The following MACF1 variants were observed in gnomAD, a reference collection of about 807,000 sequenced individuals.
The protein encoded by MACF1 is microtubule-actin cross-linking factor 1.
Under a neutral mutation model 854.8 loss-of-function variants are expected in MACF1, and 193 were observed. The ratio of observed to expected loss-of-function variants is 0.23; its 90% CI spans 0.20 to 0.25. The LOEUF (loss-of-function observed/expected upper bound fraction) is 0.25. MACF1 is among the 10% of genes least tolerant of loss of function. MACF1 has a pLI of 1.00. For missense variants in MACF1, 7,722 were observed against 8,929.1 expected, an observed-to-expected ratio of 0.86 and a Z score of 5.45; for synonymous variants, 3,185 against 3,226.7, an observed-to-expected ratio of 0.99 and a Z score of 0.44.
At chr1:39,397,244 T>C (rs1013042187) in intron 58 of MACF1, among the ~76,000 whole-genome samples, 1 of 152,060 alleles carries the variant, frequency 6.6e-6, no homozygotes, top group South Asian at 2.1e-4. Flanking sequence ...CTCGAAACTA[T>C]TGTAAGTCAG....
chr1:39,276,884 G>A (rs1052672274), intron 6 of MACF1, among the ~76,000 whole-genome samples: 2 of 151,888 alleles, frequency 1.3e-5, no homozygotes, highest in Admixed American at 1.3e-4. Context: ...CATGAAAAAG[G>A]GTGAATAAAT....
chr1:39,187,909 C>CT (rs1644197262), intron 2 of MACF1, among the ~76,000 whole-genome samples: 1 of 15,504 alleles, frequency 6.4e-5, no homozygotes, highest in African/African-American at 1.2e-4. Context: ...TCTCCTCTCT[C>CT]CTTCCTTCCT....
intron 69 of MACF1, among the ~76,000 whole-genome samples, chr1:39,435,115 G>A (rs1186548987): frequency 6.6e-6 from 1 of 152,256 alleles, no homozygotes; most frequent in African/African-American, 2.4e-5. Flanking sequence ...GACGTAGTCA[G>A]CAGTAAAGTC....
intron 2 of MACF1, among the ~76,000 whole-genome samples, chr1:39,119,447 TTGTG>T (rs752459990): frequency 6.6e-5 from 10 of 152,020 alleles, no homozygotes; most frequent in Non-Finnish European, 1.3e-4. Flanking sequence ...TTGTTACTTT[TTGTG>T]TGTATTTGTT....
At chr1:39,357,961 TC>T (rs946279450) in intron 45 of MACF1, 68 bp downstream of exon 45, 13 of 1,482,234 alleles carry the variant, frequency 8.8e-6, no homozygotes, top group African/African-American at 1.4e-5. Context: ...GTAGGTAGTG[TC>T]TGGGGCTCAG....
At position 39,357,310 on chromosome 1, in the gene MACF1, A is replaced by G. The variant is rs1569675190; in HGVS notation, c.11425-65A>G. 5 of 1,541,374 alleles carry G rather than the reference A, an allele frequency of 3.2e-6. No homozygotes were observed. In the South Asian group the frequency reaches 3.7e-5, roughly 12 times the overall value. On this transcript the variant is annotated intron_variant, in intron 44 of 100. Coordinates refer to ENST00000564288, the MANE Select transcript of MACF1 (RefSeq NM_001394062.1). ...CATGGAGTATGAAGTCCAGTCTTGT[A>G]TACCTCAAATTATTGTGGATTGCCT...
intron 36 of MACF1, among the ~76,000 whole-genome samples, chr1:39,330,592 T>C (rs1235112438): frequency 6.6e-6 from 1 of 152,178 alleles, no homozygotes; most frequent in African/African-American, 2.4e-5. Flanking sequence ...TTTCACTGCT[T>C]ACCACCCTGT....
intron 2 of MACF1, among the ~76,000 whole-genome samples, chr1:39,198,427 T>A (rs934753304): frequency 6.7e-6 from 1 of 149,606 alleles, no homozygotes; most frequent in African/African-American, 2.5e-5. Flanking sequence ...CTGAGGCGGG[T>A]GGATCATGAG....
Position 39,441,069 on chromosome 1 carries a change from T to G in MACF1, c.18514T>G (p.Leu6172Val). Residue 6172 changes from leucine (L) to valine (V), a missense_variant, in exon 73 of 101, where the codon TTG (leucine) becomes GTG (valine). Leu to Val is a conservative substitution (Grantham distance 32). Around this residue, in one of 15 missense-constraint regions of MACF1, gnomAD observed 2,807 missense variants for 3,235.8 expected, o/e 0.87. Coordinates refer to ENST00000564288, the MANE Select transcript of MACF1 (RefSeq NM_001394062.1). ...LEFIRILGADLIFACGETEKP... is the reference protein window; with the variant it reads ...LEFIRILGADVIFACGETEKP... ...GTTTATTCGGATCCTTGGAGCAGAT[T>G]TGATTTTTGCCTGTGGAGAAACTGA... The G allele has an allele frequency of 6.2e-7, 1 of 1,614,228 alleles. No individual in the cohort carries two copies. Among genetic ancestry groups the G allele is most frequent in the Non-Finnish European group, 8.5e-7 (1 of 1,180,036 alleles).
At chr1:39,385,144 T>C (rs1173215696) in intron 56 of MACF1, among the ~76,000 whole-genome samples, 1 of 152,220 alleles carries the variant, frequency 6.6e-6, no homozygotes, top group Non-Finnish European at 1.5e-5. Flanking sequence ...CTCAGCTCAC[T>C]GCAACCTCGG....
At position 39,486,202 on chromosome 1, in the gene MACF1, T is replaced by TA. The variant is rs1435164565; in HGVS notation, c.*415dup. ...GCTATCTCAGCAAGATAAATTATAT[T>TA]AAAAAAATAAGAATCCTGCAGTGTT... On this transcript the variant is annotated 3_prime_UTR_variant, in exon 101 of 101. Coordinates refer to ENST00000564288, the MANE Select transcript of MACF1 (RefSeq NM_001394062.1). The TA allele has an allele frequency of 1.3e-5, 2 of 153,892 alleles. No homozygotes were observed. The highest frequency in any genetic ancestry group is 2.9e-5 in the Non-Finnish European group (2 of 68,972). 9.5% of individuals were successfully genotyped at this position (153,892 alleles called of 1,614,324 possible).
At chr1:39,188,925 G>A (rs890626409) in intron 2 of MACF1, among the ~76,000 whole-genome samples, 1 of 151,890 alleles carries the variant, frequency 6.6e-6, no homozygotes, top group Admixed American at 6.6e-5. Flanking sequence ...TTTAGTAGAG[G>A]CGGGGTTTCA....
At chr1:39,376,869 T>A (rs1490206611) in intron 52 of MACF1, among the ~76,000 whole-genome samples, 6 of 151,816 alleles carry the variant, frequency 4.0e-5, no homozygotes, top group African/African-American at 1.5e-4. Context: ...ATGTGCACTG[T>A]CATGCCTGAC....
Position 39,316,378 on chromosome 1 carries a change from T to C in MACF1, c.3450-13T>C, listed in dbSNP as rs750352787. ...TCATGTGTTAATGAAGGAATGTGTATTTGTCCCCACAGGTTAAAGACAGTT... is the reference window on the plus strand; with the variant it reads ...TCATGTGTTAATGAAGGAATGTGTACTTGTCCCCACAGGTTAAAGACAGTT... On this transcript the variant is annotated splice_polypyrimidine_tract_variant and intron_variant, in intron 27 of 100. Transcript: ENST00000564288. 5 of 1,597,514 alleles carry C rather than the reference T, an allele frequency of 3.1e-6. No individual in the cohort carries two copies. The highest frequency in any genetic ancestry group is 1.7e-5 in the Admixed American group (1 of 58,858).
In MACF1 at chr1:39,422,908, A is replaced by G; in HGVS notation, c.16149+8A>G. 6.2e-7 allele frequency: 1 copy of G among 1,613,362 alleles called. No homozygotes were observed. The highest frequency in any genetic ancestry group is 8.5e-7 in the Non-Finnish European group (1 of 1,179,312). On this transcript the variant is annotated splice_region_variant and intron_variant, in intron 60 of 100. Transcript: ENST00000564288. ...CAGATCCAAGAACAGAAGGTAAGTG[A>G]GAATGTTGGGACAGTGAACTGTAAC...
At chr1:39,459,724 CATTACCCAGTATAAAAAAT>C in intron 91 of MACF1, 5 of 768,378 alleles carry the variant, frequency 6.5e-6, no homozygotes, top group Non-Finnish European at 9.4e-6. Flanking sequence ...TTTGAAGTGT[CATTACCCAGTATAAAAAAT>C]ATAGTACTAT....
chr1:39,475,352 C>G (rs368909880), intron 97 of MACF1, among the ~76,000 whole-genome samples: 11 of 151,938 alleles, frequency 7.2e-5, no homozygotes, highest in Admixed American at 3.9e-4. Context: ...GCCTGTAGTC[C>G]CAGCTACTTG....
At chr1:39,318,362 C>A in intron 29 of MACF1, 91 bp from the exon 30 acceptor site, 1 of 1,190,202 alleles carries the variant, frequency 8.4e-7, no homozygotes. Flanking sequence ...TCAAGCCCAG[C>A]TGGATACATG....
intron 58 of MACF1, chr1:39,411,652 T>A (rs776813415): frequency 1.2e-6 from 2 of 1,613,990 alleles, no homozygotes; most frequent in Admixed American, 3.3e-5. Flanking sequence ...TGACACAGAC[T>A]CAGTGCAGAT....
Sources: gnomAD v4.1 joint callset for allele counts (sites outside exome capture counted in the v4.1 genomes callset) on GRCh38, gnomAD v4.1.1 for gene constraint, gnomAD v4.1.1 regional missense constraint, MANE v1.5 for transcripts, NCBI Gene and HGNC (gene_info 2026-07-23, HGNC 2026-07-21) for gene names.